POLR2B: variants seen among roughly 807,000 people sequenced by gnomAD.
The protein encoded by POLR2B is RNA polymerase II subunit B.
POLR2B carries 57 observed loss-of-function variants against 144.6 expected under a neutral mutation model. The observed-to-expected ratio is 0.39, with a 90% CI of 0.32 to 0.49. The LOEUF (loss-of-function observed/expected upper bound fraction) is 0.49, where lower values mean the gene tolerates loss of function less well. POLR2B is among the 20% of genes least tolerant of loss of function. The pLI, the probability that POLR2B is intolerant of heterozygous loss-of-function variation, is 0.83. For synonymous variants in POLR2B, 442 were observed against 469.8 expected (o/e 0.94, Z 0.77); for missense variants, 595 against 1,467.4 (o/e 0.41, Z 9.71).
chr4:56,981,852 A>G (rs185510500), intron 1 of POLR2B, among the ~76,000 whole-genome samples: 1 of 152,356 alleles, frequency 6.6e-6, no homozygotes, highest in East Asian at 1.9e-4. Context: ...ATGCTACTAC[A>G]TTAAGATAGC....
chr4:57,014,139 T>C (rs1461748857), intron 13 of POLR2B, among the ~76,000 whole-genome samples: 1 of 152,198 alleles, frequency 6.6e-6, no homozygotes, highest in Admixed American at 6.5e-5. Flanking sequence ...GACTAGGAAC[T>C]TGGAACATTT....
intron 16 of POLR2B, among the ~76,000 whole-genome samples, chr4:57,020,458 T>C (rs904576408): frequency 6.6e-6 from 1 of 152,192 alleles, no homozygotes; most frequent in African/African-American, 2.4e-5. Context: ...TGGGGTAGTA[T>C]CAGTTTCAAA....
At chr4:56,995,758 G>C (rs1722658872) in intron 6 of POLR2B, among the ~76,000 whole-genome samples, 2 of 152,176 alleles carry the variant, frequency 1.3e-5, no homozygotes, top group Admixed American at 6.5e-5. Context: ...CCAGGTCTTT[G>C]CTCGCTGTTG....
chr4:57,001,717 C>CTAA (rs1722860163), intron 7 of POLR2B, among the ~76,000 whole-genome samples: 1 of 152,104 alleles, frequency 6.6e-6, no homozygotes, highest in South Asian at 2.1e-4. Context: ...TTAGGTACCT[C>CTAA]CACTGTAAGG....
rs777990803 is a variant in POLR2B, at chr4:56,995,246, A to G, written c.577-5A>G. On this transcript the variant is annotated splice_region_variant and splice_polypyrimidine_tract_variant and intron_variant, in intron 5 of 24. Transcript: ENST00000314595. Reference sequence around the variant, plus strand: ...ATGGCTGTAACTTTCTTATTGTCCAAATAGGTTCTGATTGCCCAAGAGAAA... The same window carrying G: ...ATGGCTGTAACTTTCTTATTGTCCAGATAGGTTCTGATTGCCCAAGAGAAA... 7.5e-6 allele frequency: 12 copies of G among 1,601,718 alleles called. No homozygotes were observed. Among genetic ancestry groups the G allele is most frequent in the East Asian group, 4.5e-5 (2 of 44,618 alleles).
chr4:57,012,412 T>C (rs1723221051), intron 13 of POLR2B, among the ~76,000 whole-genome samples: 1 of 34,358 alleles, frequency 2.9e-5, no homozygotes, highest in Non-Finnish European at 5.3e-5. Context: ...CTCCAAAAAT[T>C]TATTAAAAAA....
chr4:57,015,370 A>G, intron 13 of POLR2B, 132 bp from the exon 14 acceptor site: 1 of 435,908 alleles, frequency 2.3e-6, no homozygotes, highest in Admixed American at 4.1e-5. Context: ...ATGGTAAACT[A>G]AGATTTGCAC....
At position 56,999,585 on chromosome 4, in the gene POLR2B, A is replaced by G. The variant is rs767104275; in HGVS notation, c.736-32A>G. ...TTTATATTGCTGTGAGCTTTTGTATATTCATGTTCTAATGATACTTTATTT... is the reference window on the plus strand; with the variant it reads ...TTTATATTGCTGTGAGCTTTTGTATGTTCATGTTCTAATGATACTTTATTT... On this transcript the variant is annotated intron_variant, in intron 6 of 24. Coordinates refer to ENST00000314595, the MANE Select transcript of POLR2B (RefSeq NM_000938.3). The G allele has an allele frequency of 5.7e-5, 85 of 1,482,558 alleles. No individual in the cohort carries two copies. The South Asian group carries it at 9.7e-4, about 17-fold the overall frequency. 91.8% of individuals were successfully genotyped at this position (1,482,558 alleles called of 1,614,324 possible). A position where few individuals can be genotyped will look rare whatever the true frequency, so the allele number is the denominator to read the frequency against.
At chr4:56,995,455 T>C in intron 6 of POLR2B, 46 bp downstream of exon 6, 9 of 1,436,714 alleles carry the variant, frequency 6.3e-6, no homozygotes, top group Non-Finnish European at 8.5e-6. Flanking sequence ...CTTTGTGCTT[T>C]GTTTTAAAAT....
intron 7 of POLR2B, among the ~76,000 whole-genome samples, chr4:57,003,894 GTGT>G (rs1423354231): frequency 6.6e-6 from 1 of 151,852 alleles, no homozygotes. Context: ...GGGTGTGGTG[GTGT>G]TGTCTGTACT....
At position 57,015,641 on chromosome 4, in the gene POLR2B, A is replaced by G; in HGVS notation, c.1940A>G (p.Glu647Gly). The change falls in exon 14 of 25, where the codon GAA becomes GGA. Residue 647 changes from glutamate (E) to glycine (G), a missense_variant. This residue lies in a region of POLR2B where 59 missense variants were observed against 84.2 expected (regional missense o/e 0.70). Coordinates refer to ENST00000314595, the MANE Select transcript of POLR2B (RefSeq NM_000938.3). ...KRHIDQLKER[E>G]YNNYSWQDLV... ...CATATTGACCAATTGAAAGAGAGAG[A>G]ATATAACAACTATAGGTAAAAACAT... The G allele has an allele frequency of 6.9e-7, 1 of 1,446,756 alleles. No individual in the cohort carries two copies. Among genetic ancestry groups the G allele is most frequent in the Non-Finnish European group, 9.2e-7 (1 of 1,081,670 alleles). 89.6% of individuals were successfully genotyped at this position (1,446,756 alleles called of 1,614,324 possible).
chr4:57,011,692 G>A (rs375753454), intron 13 of POLR2B, among the ~76,000 whole-genome samples: 22 of 151,764 alleles, frequency 1.4e-4, no homozygotes, highest in Admixed American at 4.6e-4. Flanking sequence ...GCGTGGTGGC[G>A]CGCGCCTGTA....
At chr4:57,028,475 A>G (rs900520134) in intron 23 of POLR2B, among the ~76,000 whole-genome samples, 1 of 152,094 alleles carries the variant, frequency 6.6e-6, no homozygotes, top group African/African-American at 2.4e-5. Context: ...TATGAAAGAG[A>G]TGTATACTCA....
chr4:56,991,934 A>G (rs903734723), intron 3 of POLR2B, among the ~76,000 whole-genome samples: 8 of 152,142 alleles, frequency 5.3e-5, no homozygotes, highest in African/African-American at 1.9e-4. Context: ...CTGAGATTAT[A>G]GGCATGAGCC....
intron 13 of POLR2B, among the ~76,000 whole-genome samples, chr4:57,012,963 C>G (rs1189832368): frequency 6.6e-6 from 1 of 152,138 alleles, no homozygotes; most frequent in Admixed American, 6.5e-5. Flanking sequence ...GCTTCAGCCT[C>G]CTGAGTAGCT....
chr4:56,989,863 T>C (rs145223826), intron 2 of POLR2B, among the ~76,000 whole-genome samples: 105 of 152,302 alleles, frequency 6.9e-4, no homozygotes, highest in Non-Finnish European at 1.2e-3. Context: ...TATCTACTTG[T>C]CTCTGTATGT....
In POLR2B at chr4:56,985,335, G is replaced by A. The variant is rs1315529945; in HGVS notation, c.20-1019G>A. 21 of 985,396 alleles carry A rather than the reference G, an allele frequency of 2.1e-5. No individual in the cohort carries two copies. The African/African-American group carries it at 2.3e-4, about 11-fold the overall frequency. The allele number at this position is 985,396 out of a possible 1,614,324, so 61.0% of individuals were successfully genotyped here. On this transcript the variant is annotated intron_variant, in intron 1 of 24. Coordinates refer to ENST00000314595, the MANE Select transcript of POLR2B (RefSeq NM_000938.3). The stretch of plus-strand genomic sequence containing the variant: ...TGCGAGGAGGCGGACCGCCCATTCC[G>A]TGCCCGGTAGCCGCGAGGGACCGGT...
rs1384615937 is a variant in POLR2B, at chr4:57,017,073, G to A, written c.1986G>A (p.Val662=). 3.1e-6 allele frequency: 5 copies of A among 1,611,526 alleles called. No homozygotes were observed. Among genetic ancestry groups the A allele is most frequent in the Non-Finnish European group, 4.2e-6 (5 of 1,178,996 alleles). ...AGGATCTTGTGGCCAGTGGGGTAGT[G>A]GAGTATATTGATACCCTGGAAGAAG... ...SWQDLVASGV[V]EYIDTLEEET... The change falls in exon 15 of 25, where the codon GTG becomes GTA. Residue 662 remains valine (V), a synonymous_variant. Transcript: ENST00000314595. This position sits in a 1 kb window ranked among gnomAD's most constrained non-coding sequence, Gnocchi z 4.8.
intron 10 of POLR2B, among the ~76,000 whole-genome samples, chr4:57,007,493 C>G (rs1235483362): frequency 6.6e-6 from 1 of 151,892 alleles, no homozygotes; most frequent in Non-Finnish European, 1.5e-5. Flanking sequence ...ATTAGTATTA[C>G]TAAGATAGAT....
Sources: allele counts gnomAD v4.1 joint callset (sites outside exome capture counted in the v4.1 genomes callset), GRCh38; gene constraint gnomAD v4.1.1; regional missense constraint gnomAD v4.1.1; non-coding constraint Gnocchi (gnomAD v3.1); transcripts MANE v1.5; gene names NCBI Gene and HGNC (gene_info 2026-07-23, HGNC 2026-07-21).